Variants in ZFHX3 observed in about 807,000 individuals in gnomAD.
The protein encoded by ZFHX3 is zinc finger homeobox protein 3.
A neutral mutation model predicts 279.1 loss-of-function variants in ZFHX3; 42 were observed. That is an observed-to-expected ratio of 0.15 (90% CI 0.12 to 0.19). The LOEUF is 0.19. Ranked by LOEUF, ZFHX3 falls within the 10% of genes least tolerant of loss-of-function variation. The pLI, the probability that ZFHX3 is intolerant of heterozygous loss-of-function variation, is 1.00. For missense variants in ZFHX3, 4,981 were observed against 4,754.0 expected, an observed-to-expected ratio of 1.05 and a Z score of -1.40; for synonymous variants, 2,293 against 1,957.8, an observed-to-expected ratio of 1.17 and a Z score of -4.52.
At chr16:73,257,685 C>A (rs1162432735) in intron 4 of ZFHX3, among the ~76,000 whole-genome samples, 2 of 152,158 alleles carry the variant, frequency 1.3e-5, no homozygotes, top group Non-Finnish European at 2.9e-5. Context: ...TTCTTCTATT[C>A]AGTAAGATGG....
intron 1 of ZFHX3, among the ~76,000 whole-genome samples, chr16:73,712,552 C>A (rs575802062): frequency 6.6e-6 from 1 of 152,188 alleles, no homozygotes; most frequent in African/African-American, 2.4e-5. Context: ...CTCTTATGAG[C>A]CTCTCAGTGC....
At chr16:73,711,365 C>T (rs1183077164) in intron 1 of ZFHX3, among the ~76,000 whole-genome samples, 1 of 152,174 alleles carries the variant, frequency 6.6e-6, no homozygotes, top group African/African-American at 2.4e-5. Flanking sequence ...TTGGCTGGGA[C>T]TCCCATAGTA....
Position 72,798,712 on chromosome 16 carries a change from T to A in ZFHX3, c.3970A>T (p.Thr1324Ser). The A allele has an allele frequency of 6.6e-7, 1 of 1,517,724 alleles. No individual in the cohort carries two copies. The highest frequency in any genetic ancestry group is 1.3e-5 in the South Asian group (1 of 75,506). The allele number at this position is 1,517,724 out of a possible 1,614,324, so 94.0% of individuals were successfully genotyped here. A position where few individuals can be genotyped will look rare whatever the true frequency, so the allele number is the denominator to read the frequency against. ...ATGTTCTTTCCCAGATCCTCTGAGG[T>A]TTCTGTTAAAAAAAAAAAAAAAATC... ...NLEEAGKQPE[T>S]SEDLGKNILP... The change falls in exon 9 of 10, where the codon ACC becomes TCC. Residue 1324 changes from threonine to serine, a missense_variant and splice_region_variant. By Grantham distance (58) the Thr-to-Ser change is moderately conservative (BLOSUM62 1). Around this residue, in one of 7 missense-constraint regions of ZFHX3, gnomAD observed 1,751 missense variants for 1,770.0 expected, o/e 0.99. Coordinates refer to ENST00000268489, the MANE Select transcript of ZFHX3 (RefSeq NM_006885.4).
intron 1 of ZFHX3, among the ~76,000 whole-genome samples, chr16:73,725,829 T>C (rs2053514113): frequency 6.6e-6 from 1 of 152,156 alleles, no homozygotes; most frequent in African/African-American, 2.4e-5. Context: ...CACCATACCT[T>C]TATGCCAGCC....
chr16:73,726,007 G>A (rs1017875092), intron 1 of ZFHX3, among the ~76,000 whole-genome samples: 1 of 152,146 alleles, frequency 6.6e-6, no homozygotes, highest in Non-Finnish European at 1.5e-5. Flanking sequence ...TGCTTCAAGG[G>A]GAGGGTAGAC....
chr16:73,398,293 G>A (rs1252603576), intron 3 of ZFHX3, among the ~76,000 whole-genome samples: 2 of 152,216 alleles, frequency 1.3e-5, no homozygotes, highest in Non-Finnish European at 2.9e-5. Flanking sequence ...TAGGGAAAGG[G>A]AAATGGGAGA....
At chr16:73,814,954 C>T (rs1034667083) in intron 1 of ZFHX3, among the ~76,000 whole-genome samples, 1 of 152,162 alleles carries the variant, frequency 6.6e-6, no homozygotes, top group African/African-American at 2.4e-5. Flanking sequence ...AGTCAACTTG[C>T]TCCAAAATCT....
chr16:73,189,835 T>C (rs559970909), intron 5 of ZFHX3, among the ~76,000 whole-genome samples: 15 of 152,320 alleles, frequency 9.8e-5, no homozygotes, highest in Admixed American at 5.2e-4. Context: ...GGCTCATGCC[T>C]GTAATCCTAG....
chr16:73,364,551 G>A (rs551308416), intron 3 of ZFHX3, among the ~76,000 whole-genome samples: 3 of 152,252 alleles, frequency 2.0e-5, no homozygotes, highest in African/African-American at 7.2e-5. Flanking sequence ...GTGCCACAAA[G>A]GAAAGTCCCA....
chr16:72,932,839 C>T (rs533468299), intron 3 of ZFHX3, among the ~76,000 whole-genome samples: 5 of 152,216 alleles, frequency 3.3e-5, no homozygotes, highest in Admixed American at 6.5e-5. Context: ...ATGCAGACTG[C>T]GTCTAGGTGC....
At chr16:73,527,705 T>C (rs981967127) in intron 2 of ZFHX3, among the ~76,000 whole-genome samples, 2 of 152,200 alleles carry the variant, frequency 1.3e-5, no homozygotes, top group African/African-American at 2.4e-5. Flanking sequence ...CAAGCTACCA[T>C]GTGTTAGCTG....
intron 1 of ZFHX3, among the ~76,000 whole-genome samples, chr16:73,718,236 C>A (rs1351988706): frequency 6.6e-6 from 1 of 152,124 alleles, no homozygotes; most frequent in Non-Finnish European, 1.5e-5. Flanking sequence ...CATGGCAAAA[C>A]CCTGTCTCTA....
At chr16:73,058,805 G>C (rs1965631710) in exon 1 of ZFHX3, 2 of 155,136 alleles carry the variant, frequency 1.3e-5, no homozygotes, top group South Asian at 3.6e-4. Context: ...CGCCGCTGCC[G>C]CCGAGCAGCA....
chr16:73,178,396 C>A (rs112400359), intron 5 of ZFHX3, among the ~76,000 whole-genome samples: 6 of 152,314 alleles, frequency 3.9e-5, no homozygotes, highest in African/African-American at 1.4e-4. Context: ...GCCTCGTACT[C>A]CCAAAGTGCT....
intron 2 of ZFHX3, among the ~76,000 whole-genome samples, chr16:73,611,441 T>C (rs557386030): frequency 6.6e-6 from 1 of 152,262 alleles, no homozygotes; most frequent in Non-Finnish European, 1.5e-5. Context: ...TCATTAATTA[T>C]CTTTTCTATT....
chr16:73,713,305 T>C (rs2053382204), intron 1 of ZFHX3, among the ~76,000 whole-genome samples: 1 of 152,238 alleles, frequency 6.6e-6, no homozygotes, highest in Non-Finnish European at 1.5e-5. Flanking sequence ...TATTTAATTA[T>C]GCCTTTTTAT....
intron 2 of ZFHX3, among the ~76,000 whole-genome samples, chr16:73,677,434 C>A (rs1427079259): frequency 6.6e-6 from 1 of 151,448 alleles, no homozygotes; most frequent in Non-Finnish European, 1.5e-5. Flanking sequence ...TAATAAACAA[C>A]AACAACAACA....
At position 72,793,123 on chromosome 16, in the gene ZFHX3, T is replaced by C; in HGVS notation, c.9427+132A>G. 1 of 1,467,630 alleles carries C rather than the reference T, an allele frequency of 6.8e-7. No individual in the cohort carries two copies. 90.9% of individuals were successfully genotyped at this position (1,467,630 alleles called of 1,614,324 possible). A position where few individuals can be genotyped will look rare whatever the true frequency, so the allele number is the denominator to read the frequency against. On this transcript the variant is annotated intron_variant, in intron 9 of 9. Transcript: ENST00000268489. The surrounding 1 kb of genome is among the most constrained non-coding windows in gnomAD (Gnocchi z 4.3). ...TCAACAGGAACGAACTGAAGTCTTG[T>C]TGCTTTTAAAGAACTAGAAAGGTAA...
At chr16:73,380,917 T>C (rs978092993) in intron 3 of ZFHX3, among the ~76,000 whole-genome samples, 3 of 152,154 alleles carry the variant, frequency 2.0e-5, no homozygotes, top group Non-Finnish European at 4.4e-5. Flanking sequence ...ATTTCAACCC[T>C]AGGTTCTCTG....
Sources: allele counts gnomAD v4.1 joint callset (sites outside exome capture counted in the v4.1 genomes callset), GRCh38; gene constraint gnomAD v4.1.1; regional missense constraint gnomAD v4.1.1; non-coding constraint Gnocchi (gnomAD v3.1); transcripts MANE v1.5; gene names NCBI Gene and HGNC (gene_info 2026-07-23, HGNC 2026-07-21).